PCDH15: variants seen among roughly 807,000 people sequenced by gnomAD.
PCDH15 encodes protocadherin related 15, also known as protocadherin-15.
A neutral mutation model predicts 178.5 loss-of-function variants in PCDH15; 129 were observed. The ratio of observed to expected loss-of-function variants is 0.72; its 90% CI spans 0.63 to 0.84. The LOEUF (loss-of-function observed/expected upper bound fraction) is 0.84, where lower values mean the gene tolerates loss of function less well. Ranked by LOEUF, PCDH15 falls within the 40% of genes least tolerant of loss-of-function variation. PCDH15 has a pLI of 0.00. For missense variants in PCDH15, 2,230 were observed against 2,099.9 expected (o/e 1.06, Z -1.21); for synonymous variants, 800 against 732.0 (o/e 1.09, Z -1.50).
In PCDH15 at chr10:55,315,612, T is replaced by C. The variant is rs147262391; in HGVS notation, c.-156+3987A>G. ...ATCACCATCCCCACATTTACATATCTACTCATCAACCTTGCTTTTTTATAA... is the reference window on the plus strand; with the variant it reads ...ATCACCATCCCCACATTTACATATCCACTCATCAACCTTGCTTTTTTATAA... On this transcript the variant is annotated intron_variant, in intron 1 of 5. Coordinates refer to the PCDH15 transcript ENST00000458638. 7.5e-3 allele frequency among the ~76,000 whole-genome samples: 1,143 copies of C among 152,290 alleles called. 10 individuals carry two copies. Among genetic ancestry groups the C allele is most frequent in the African/African-American group, 0.025 (1,046 of 41,568 alleles).
chr10:54,722,450 C>G (rs745510022), intron 1 of PCDH15, among the ~76,000 whole-genome samples: 9 of 151,568 alleles, frequency 5.9e-5, no homozygotes, highest in Middle Eastern at 3.2e-3. Context: ...TTTATCCACT[C>G]AAATAACTAA....
intron 2 of PCDH15, among the ~76,000 whole-genome samples, chr10:55,405,250 T>G (rs1379445816): frequency 6.4e-5 from 9 of 140,294 alleles, no homozygotes; most frequent in Admixed American, 1.5e-4. Flanking sequence ...CATGCCAATT[T>G]ATGCATATGT....
At chr10:54,224,652 T>G (rs2053234855) in intron 9 of PCDH15, among the ~76,000 whole-genome samples, 1 of 152,268 alleles carries the variant, frequency 6.6e-6, no homozygotes, top group East Asian at 1.9e-4. Flanking sequence ...AACCATTATT[T>G]TCATCTATGC....
intron 14 of PCDH15, among the ~76,000 whole-genome samples, chr10:54,149,167 C>A (rs2044270288): frequency 6.6e-6 from 1 of 152,048 alleles, no homozygotes; most frequent in Admixed American, 6.6e-5. Context: ...CTTGGTACTC[C>A]TTCATTATCG....
At chr10:55,298,272 T>A (rs529631437) in intron 1 of PCDH15, among the ~76,000 whole-genome samples, 23 of 152,170 alleles carry the variant, frequency 1.5e-4, no homozygotes, top group Non-Finnish European at 2.1e-4. Flanking sequence ...TGTAAAAAAA[T>A]ATTGATCATT....
At chr10:55,617,491 T>G (rs1411799814) in intron 2 of PCDH15, among the ~76,000 whole-genome samples, 1 of 152,040 alleles carries the variant, frequency 6.6e-6, no homozygotes, top group South Asian at 2.1e-4. Flanking sequence ...GTAGACCAAT[T>G]AGTATCAGTA....
At chr10:55,437,838 T>C (rs1434643293) in intron 2 of PCDH15, among the ~76,000 whole-genome samples, 1 of 146,796 alleles carries the variant, frequency 6.8e-6, no homozygotes, top group East Asian at 2.0e-4. Flanking sequence ...TTTTCTTTTT[T>C]TTTTTTTTTT....
intron 1 of PCDH15, among the ~76,000 whole-genome samples, chr10:54,700,636 T>C (rs2095297382): frequency 6.6e-6 from 1 of 152,094 alleles, no homozygotes; most frequent in African/African-American, 2.4e-5. Context: ...AGTCTGGTAC[T>C]ACAAATTAAT....
At chr10:54,271,817 G>C (rs1207135054) in intron 8 of PCDH15, among the ~76,000 whole-genome samples, 3 of 151,520 alleles carry the variant, frequency 2.0e-5, no homozygotes, top group Admixed American at 1.3e-4. Flanking sequence ...TAGAATAAAA[G>C]TATTGTATAT....
chr10:53,940,337 C>G (rs1160667893), intron 24 of PCDH15, among the ~76,000 whole-genome samples: 1 of 152,110 alleles, frequency 6.6e-6, no homozygotes, highest in Non-Finnish European at 1.5e-5. Flanking sequence ...TATTTTTAAT[C>G]ATGAATTGTA....
At position 54,667,665 on chromosome 10, in the gene PCDH15, CA is replaced by C. The variant is rs562700708; in HGVS notation, c.-28-3376del. ...TACTTTACTTTTACTACAAATCCCA[CA>C]TCAAACTCTTTCCATGTTCCCCGAG... is the stretch of plus-strand genomic sequence containing the variant. On this transcript the variant is annotated intron_variant, in intron 1 of 37. Transcript: ENST00000644397. Among the ~76,000 whole-genome samples, 625 of 152,198 alleles carry C rather than the reference CA, an allele frequency of 4.1e-3. 8 individuals are homozygous for C. The highest frequency in any genetic ancestry group is 6.4e-3 in the Non-Finnish European group (435 of 67,964).
chr10:54,847,881 T>C (rs11004595), intron 3 of PCDH15, among the ~76,000 whole-genome samples: 42,887 of 151,938 alleles, frequency 0.28, 6,202 homozygotes, highest in Middle Eastern at 0.37. Context: ...TGCTAACCCA[T>C]GGCAGGCACA....
At chr10:54,075,422 A>C (rs2094324365) in intron 17 of PCDH15, among the ~76,000 whole-genome samples, 1 of 152,174 alleles carries the variant, frequency 6.6e-6, no homozygotes, top group Non-Finnish European at 1.5e-5. Flanking sequence ...TTAATGACTT[A>C]TCATATATAT....
intron 1 of PCDH15, among the ~76,000 whole-genome samples, chr10:54,789,148 A>G (rs1394214407): frequency 6.6e-6 from 1 of 151,962 alleles, no homozygotes; most frequent in African/African-American, 2.4e-5. Flanking sequence ...GACAACCAAT[A>G]TATAACATAA....
intron 2 of PCDH15, among the ~76,000 whole-genome samples, chr10:54,659,456 T>G (rs1409836028): frequency 6.6e-6 from 1 of 151,990 alleles, no homozygotes; most frequent in Non-Finnish European, 1.5e-5. Context: ...GGAAATAACA[T>G]TAGAAATATA....
At chr10:55,280,336 TA>T (rs1842698790) in intron 1 of PCDH15, among the ~76,000 whole-genome samples, 1 of 140,866 alleles carries the variant, frequency 7.1e-6, no homozygotes, top group East Asian at 2.1e-4. Flanking sequence ...GGAGTGCAAG[TA>T]GTGTGATCTC....
intron 8 of PCDH15, among the ~76,000 whole-genome samples, chr10:54,262,448 C>T (rs1361950220): frequency 6.6e-6 from 1 of 152,124 alleles, no homozygotes; most frequent in African/African-American, 2.4e-5. Flanking sequence ...AGCACAACAT[C>T]CACTGCCCAG....
intron 1 of PCDH15, among the ~76,000 whole-genome samples, chr10:55,172,617 A>C (rs1189073185): frequency 6.6e-6 from 1 of 152,024 alleles, no homozygotes; most frequent in Non-Finnish European, 1.5e-5. Flanking sequence ...CCATGAAATT[A>C]TTTTTGGCAT....
Position 54,679,690 on chromosome 10 carries a change from T to C in PCDH15, c.-28-15400A>G, listed in dbSNP as rs557363099. 5.3e-5 allele frequency among the ~76,000 whole-genome samples: 8 copies of C among 152,306 alleles called. No homozygotes were observed. In the East Asian group the frequency reaches 9.6e-4, roughly 18 times the overall value. On this transcript the variant is annotated intron_variant, in intron 1 of 37. Coordinates refer to ENST00000644397, the MANE Select transcript of PCDH15 (RefSeq NM_001384140.1). Reference sequence around the variant, plus strand: ...GAGTCTGGAAATAGTTATTTGTTTATAGAAAGAAAAACTAATAAGAGAATG... The same window carrying C: ...GAGTCTGGAAATAGTTATTTGTTTACAGAAAGAAAAACTAATAAGAGAATG...
Sources: allele counts gnomAD v4.1 joint callset (sites outside exome capture counted in the v4.1 genomes callset), GRCh38; gene constraint gnomAD v4.1.1; transcripts MANE v1.5; gene names NCBI Gene and HGNC (gene_info 2026-07-23, HGNC 2026-07-21).